Variants in GALC observed in about 807,000 individuals in gnomAD.
The protein encoded by GALC is galactosylceramidase, also known as galactocerebrosidase.
GALC carries 77 observed loss-of-function variants against 91.8 expected under a neutral mutation model. The ratio of observed to expected loss-of-function variants is 0.84; its 90% confidence interval spans 0.70 to 1.01. The LOEUF is 1.01. Ranked by LOEUF, GALC falls within the 50% of genes least tolerant of loss-of-function variation. The probability of loss-of-function intolerance (pLI) is 0.00; values close to 1 mark genes in which losing one functional copy is unlikely to be tolerated. For synonymous variants in GALC, 357 were observed against 306.7 expected, an observed-to-expected ratio of 1.16 and a Z score of -1.71; for missense variants, 882 against 855.9, an observed-to-expected ratio of 1.03 and a Z score of -0.38.
intron 5 of GALC, 124 bp from the exon 6 acceptor site, chr14:87,982,367 T>C (rs1886787194): frequency 1.5e-6 from 1 of 647,528 alleles, no homozygotes; most frequent in Non-Finnish European, 2.8e-6. Flanking sequence ...TTTTTAACTT[T>C]ATGGGATATC....
intron 10 of GALC, among the ~76,000 whole-genome samples, chr14:87,952,101 A>T (rs1013202591): frequency 2.0e-5 from 3 of 151,858 alleles, no homozygotes; most frequent in African/African-American, 7.2e-5. Flanking sequence ...TAAAGAAAAA[A>T]CCAAAATAGG....
At chr14:87,943,218 T>C (rs1376208971) in intron 14 of GALC, among the ~76,000 whole-genome samples, 1 of 152,002 alleles carries the variant, frequency 6.6e-6, no homozygotes, top group African/African-American at 2.4e-5. Context: ...TAAGGCAAAT[T>C]TGATCCAAGA....
rs1886506824 is a variant in GALC at position 87,976,664 on chromosome 14, G to C, written c.622-176C>G. ...GAGGCTTCTCTCGTCGCCCAGGCTGGAGTGCAGTGGCAGGATCTCAGCTCA... is the reference window on the plus strand; with the variant it reads ...GAGGCTTCTCTCGTCGCCCAGGCTGCAGTGCAGTGGCAGGATCTCAGCTCA... On this transcript the variant is annotated intron_variant, in intron 6 of 16. Coordinates refer to ENST00000261304, the MANE Select transcript of GALC (RefSeq NM_000153.4). 3 of 555,230 alleles carry C rather than the reference G, an allele frequency of 5.4e-6. No homozygotes were observed. In the Admixed American group the frequency reaches 7.8e-5, roughly 14 times the overall value. The allele number at this position is 555,230 out of a possible 1,614,324, so 34.4% of individuals were successfully genotyped here.
intron 4 of GALC, 79 bp downstream of exon 4, chr14:87,986,410 G>C (rs538058140): frequency 1.1e-6 from 1 of 885,662 alleles, no homozygotes; most frequent in African/African-American, 1.6e-5. Flanking sequence ...CGTATTAATA[G>C]AGATTCCACC....
chr14:87,956,071 G>C (rs998001280), intron 10 of GALC, among the ~76,000 whole-genome samples: 2 of 151,892 alleles, frequency 1.3e-5, no homozygotes, highest in Non-Finnish European at 2.9e-5. Context: ...AATTTAATTG[G>C]ATCAGTCTTT....
At chr14:87,983,694 G>C (rs1216632669) in intron 5 of GALC, among the ~76,000 whole-genome samples, 3 of 152,108 alleles carry the variant, frequency 2.0e-5, no homozygotes, top group Admixed American at 6.5e-5. Context: ...GGCCCTGTGG[G>C]GTACGATGCA....
rs564253894 is a variant in GALC, at chr14:87,947,531, A to T, written c.1489+197T>A. On this transcript the variant is annotated intron_variant, in intron 13 of 16. Coordinates refer to ENST00000261304, the MANE Select transcript of GALC (RefSeq NM_000153.4). ...CCTATATTTTTTTCTGAAACTGAAA[A>T]ATACAGGGTCCTCAAATTTAGATTT... 2.6e-5 allele frequency among the ~76,000 whole-genome samples: 4 copies of T among 152,190 alleles called. No homozygotes were observed. The South Asian group carries it at 8.3e-4, about 32-fold the overall frequency.
rs967173797 is a variant in GALC, at chr14:87,945,759, G to A, written c.1490-26C>T. 5.1e-6 allele frequency: 8 copies of A among 1,560,852 alleles called. No individual in the cohort carries two copies. In the African/African-American group the frequency reaches 8.1e-5, roughly 16 times the overall value. On this transcript the variant is annotated intron_variant, in intron 13 of 16. Coordinates refer to ENST00000261304, the MANE Select transcript of GALC (RefSeq NM_000153.4). ...CTGTTCAGAATGTAAGAAATTCTCTGTTTAGTATCAAATCCTTCAGAAGCT... is the reference window on the plus strand; with the variant it reads ...CTGTTCAGAATGTAAGAAATTCTCTATTTAGTATCAAATCCTTCAGAAGCT...
In GALC at chr14:87,988,660, G is replaced by T. The variant is rs1887071889; in HGVS notation, c.196-137C>A. 5.4e-6 allele frequency: 4 copies of T among 733,980 alleles called. No homozygotes were observed. In the East Asian group the frequency reaches 7.5e-5, roughly 14 times the overall value. 45.5% of individuals were successfully genotyped at this position (733,980 alleles called of 1,614,324 possible). A position where few individuals can be genotyped will look rare whatever the true frequency, so the allele number is the denominator to read the frequency against. ...CAGGCTGAGGAAAAGTTCCTCACAAGTTGTCTGTCTGCCCTTTCTGTGCCA... is the reference window on the plus strand; with the variant it reads ...CAGGCTGAGGAAAAGTTCCTCACAATTTGTCTGTCTGCCCTTTCTGTGCCA... On this transcript the variant is annotated intron_variant, in intron 1 of 16. Transcript: ENST00000261304.
intron 1 of GALC, among the ~76,000 whole-genome samples, chr14:87,991,199 GT>G (rs989462117): frequency 6.6e-6 from 1 of 151,980 alleles, no homozygotes; most frequent in Non-Finnish European, 1.5e-5. Context: ...TGGTTTTTGG[GT>G]TTTTTTGTTT....
chr14:87,940,989 A>T (rs1884811405), intron 15 of GALC, among the ~76,000 whole-genome samples: 2 of 151,960 alleles, frequency 1.3e-5, no homozygotes, highest in African/African-American at 2.4e-5. Context: ...TTCCATTTTA[A>T]GCCGATCAAT....
At chr14:87,993,622 G>A, upstream of GALC, 1 of 684,846 alleles carries the variant, frequency 1.5e-6, no homozygotes, top group African/African-American at 1.8e-5. Context: ...GATGAGGCGA[G>A]AAGAGCAGCA....
In GALC at chr14:87,933,770, A is replaced by G; in HGVS notation, c.*962T>C. The G allele has an allele frequency of 2.0e-6, 1 of 507,000 alleles. No homozygotes were observed. Among genetic ancestry groups the G allele is most frequent in the Non-Finnish European group, 3.5e-6 (1 of 285,600 alleles). The allele number at this position is 507,000 out of a possible 1,614,324, so 31.4% of individuals were successfully genotyped here. On this transcript the variant is annotated 3_prime_UTR_variant, in exon 17 of 17. Coordinates refer to ENST00000261304, the MANE Select transcript of GALC (RefSeq NM_000153.4). ...CTCACGTATATTTAAATATAAACAT[A>G]TTTGGACTTTAAAAAGTAAGTACAT...
intron 6 of GALC, among the ~76,000 whole-genome samples, chr14:87,977,756 T>G (rs1403915863): frequency 6.6e-6 from 1 of 152,230 alleles, no homozygotes; most frequent in African/African-American, 2.4e-5. Flanking sequence ...AATTTCCAAT[T>G]AATGTGCTCT....
intron 7 of GALC, among the ~76,000 whole-genome samples, chr14:87,971,777 G>A (rs1566996447): frequency 6.6e-6 from 1 of 152,126 alleles, no homozygotes; most frequent in Non-Finnish European, 1.5e-5. Flanking sequence ...TATGTGTCTA[G>A]TGGCTACTGT....
At chr14:87,981,018 C>G (rs1886724361) in intron 6 of GALC, among the ~76,000 whole-genome samples, 1 of 152,152 alleles carries the variant, frequency 6.6e-6, no homozygotes, top group Non-Finnish European at 1.5e-5. Flanking sequence ...TACCCAGTAG[C>G]AGGATTGATG....
chr14:87,970,663 A>G (rs991036128), intron 7 of GALC, among the ~76,000 whole-genome samples: 6 of 151,350 alleles, frequency 4.0e-5, no homozygotes, highest in African/African-American at 1.5e-4. Flanking sequence ...GATTGAGACC[A>G]TCCTGGCTAA....
rs1057461259 is a variant in GALC at position 87,941,697 on chromosome 14, G to A, written c.1671-139C>T. The A allele has an allele frequency of 4.3e-6, 3 of 691,268 alleles. No homozygotes were observed. The African/African-American group carries it at 5.3e-5, about 12-fold the overall frequency. 42.8% of individuals were successfully genotyped at this position (691,268 alleles called of 1,614,324 possible). A position where few individuals can be genotyped will look rare whatever the true frequency, so the allele number is the denominator to read the frequency against. ...ATTTGCTAAGTCTAAGCCTGTAGCA[G>A]AGATGGGCTTCAAGAATCTTTATTG... On this transcript the variant is annotated intron_variant, in intron 14 of 16. Transcript: ENST00000261304.
upstream of GALC, chr14:87,993,359 C>T: frequency 6.5e-7 from 1 of 1,535,586 alleles, no homozygotes; most frequent in Non-Finnish European, 8.7e-7. Flanking sequence ...CTGTGGTCAG[C>T]TACTGGATTT....
Sources: gnomAD v4.1 joint callset for allele counts (sites outside exome capture counted in the v4.1 genomes callset) on GRCh38, gnomAD v4.1.1 for gene constraint, MANE v1.5 for transcripts, NCBI Gene and HGNC (gene_info 2026-07-23, HGNC 2026-07-21) for gene names.